Variants in NPEPPS observed in about 807,000 individuals in gnomAD.
NPEPPS encodes puromycin-sensitive aminopeptidase.
Under a neutral mutation model 115.5 loss-of-function variants are expected in NPEPPS, and 14 were observed. The ratio of observed to expected loss-of-function variants is 0.12; its 90% CI spans 0.08 to 0.19. The LOEUF is 0.19. Among genes scored for constraint, NPEPPS ranks in the 10% least tolerant of loss-of-function variants. The pLI is 1.00. For missense variants in NPEPPS, 523 were observed against 1,110.8 expected, an observed-to-expected ratio of 0.47 and a Z score of 7.52; for synonymous variants, 285 against 390.6, an observed-to-expected ratio of 0.73 and a Z score of 3.19.
At chr17:47,531,865 T>C (rs1298156474) in intron 1 of NPEPPS, among the ~76,000 whole-genome samples, 2 of 152,082 alleles carry the variant, frequency 1.3e-5, no homozygotes, top group Non-Finnish European at 2.9e-5. Flanking sequence ...TGTGTGGGGC[T>C]TTCCCCCCCG....
chr17:47,598,665 G>A (rs547020628), intron 13 of NPEPPS, among the ~76,000 whole-genome samples: 131 of 152,284 alleles, frequency 8.6e-4, no homozygotes, highest in African/African-American at 3.0e-3. Flanking sequence ...TTATTAAGCC[G>A]TAATTTTTTC....
intron 1 of NPEPPS, among the ~76,000 whole-genome samples, chr17:47,531,846 G>A (rs930010669): frequency 6.6e-6 from 1 of 152,092 alleles, no homozygotes; most frequent in African/African-American, 2.4e-5. Context: ...CCTCCCCGGC[G>A]AGCACACCTG....
chr17:47,621,670 G>A (rs551129536), intron 22 of NPEPPS, 98 bp from the exon 23 acceptor site: 8 of 1,131,570 alleles, frequency 7.1e-6, no homozygotes, highest in Middle Eastern at 2.2e-4. Flanking sequence ...TGAAGATTAT[G>A]CATCCTTCAT....
chr17:47,583,716 A>C (rs1912023049), intron 5 of NPEPPS, among the ~76,000 whole-genome samples: 1 of 152,080 alleles, frequency 6.6e-6, no homozygotes, highest in South Asian at 2.1e-4. Flanking sequence ...GGAGTTTGAC[A>C]CCAGTCTGGG....
intron 2 of NPEPPS, among the ~76,000 whole-genome samples, chr17:47,559,954 G>A (rs1910322859): frequency 6.6e-6 from 1 of 152,000 alleles, no homozygotes; most frequent in African/African-American, 2.4e-5. Context: ...TTGTCCCTGG[G>A]GCCTATAGCC....
Position 47,569,294 on chromosome 17 carries a change from C to CCAAA in NPEPPS, c.341-123_341-122insCAAA, listed in dbSNP as rs1911044333. Reference sequence around the variant, plus strand: ...GAAATGAAACTCTTGCTAATAGGAACTTAATTCACCAAATTAAGAATATTT... The same window carrying CCAAA: ...GAAATGAAACTCTTGCTAATAGGAACCAAATTAATTCACCAAATTAAGAATATTT... On this transcript the variant is annotated intron_variant, in intron 2 of 22. Coordinates refer to ENST00000322157, the MANE Select transcript of NPEPPS (RefSeq NM_006310.4). 4 of 637,032 alleles carry CCAAA rather than the reference C, an allele frequency of 6.3e-6. No individual in the cohort carries two copies. In the East Asian group the frequency reaches 8.4e-5, roughly 13 times the overall value. 39.5% of individuals were successfully genotyped at this position (637,032 alleles called of 1,614,324 possible).
Position 47,622,908 on chromosome 17 carries a change from G to C in NPEPPS, c.*988G>C, listed in dbSNP as rs779291559. ...TGGCTTCTCCCGGTTCATTTTATGC[G>C]TGCGAGAAGTCAGTGGTAACTGCTG... On this transcript the variant is annotated 3_prime_UTR_variant, in exon 23 of 23. Transcript: ENST00000322157. 8.8e-6 allele frequency: 4 copies of C among 455,812 alleles called. No homozygotes were observed. Among genetic ancestry groups the C allele is most frequent in the South Asian group, 4.6e-5 (3 of 64,560 alleles). The allele number at this position is 455,812 out of a possible 1,614,324, so 28.2% of individuals were successfully genotyped here.
chr17:47,524,981 C>T (rs1907377894), intron 1 of NPEPPS, among the ~76,000 whole-genome samples: 1 of 151,504 alleles, frequency 6.6e-6, no homozygotes, highest in African/African-American at 2.4e-5. Flanking sequence ...GTGTGGTAAA[C>T]AGAGAAGCCT....
intron 19 of NPEPPS, among the ~76,000 whole-genome samples, chr17:47,616,337 C>T (rs543735887): frequency 5.5e-4 from 84 of 152,052 alleles, no homozygotes; most frequent in African/African-American, 2.0e-3. Context: ...CACTTGAGGC[C>T]AGGAGTTCAA....
At chr17:47,603,182 G>GCC (rs1913322016) in intron 15 of NPEPPS, among the ~76,000 whole-genome samples, 1 of 152,080 alleles carries the variant, frequency 6.6e-6, no homozygotes, top group Admixed American at 6.6e-5. Context: ...AGGCTGAGGC[G>GCC]CGGCGGATCA....
intron 2 of NPEPPS, among the ~76,000 whole-genome samples, chr17:47,564,077 C>T (rs1486985198): frequency 3.4e-4 from 51 of 151,804 alleles, no homozygotes; most frequent in African/African-American, 9.9e-4. Context: ...GGATTACAGG[C>T]GCACGCCACC....
chr17:47,577,872 A>G (rs1597856108), intron 3 of NPEPPS, among the ~76,000 whole-genome samples: 1 of 152,090 alleles, frequency 6.6e-6, no homozygotes, highest in Non-Finnish European at 1.5e-5. Context: ...AGCAAATTCA[A>G]TTTTATAAGA....
At position 47,619,122 on chromosome 17, in the gene NPEPPS, T is replaced by C. The variant is rs1914382961; in HGVS notation, c.2517T>C (p.Tyr839=). ...KFIKDNWEEL[Y]NRYQGGFLIS... ...TAAAGGACAACTGGGAAGAACTTTA[T>C]AACCGATACCAGGGAGGATTCTTAA... Residue 839 remains tyrosine, a synonymous_variant, in exon 21 of 23, where the codon TAT becomes TAC. Coordinates refer to ENST00000322157, the MANE Select transcript of NPEPPS (RefSeq NM_006310.4). The C allele has an allele frequency of 1.2e-6, 2 of 1,613,840 alleles. No homozygotes were observed. Among genetic ancestry groups the C allele is most frequent in the Non-Finnish European group, 1.7e-6 (2 of 1,179,868 alleles).
intron 3 of NPEPPS, among the ~76,000 whole-genome samples, chr17:47,577,972 A>G (rs916983365): frequency 1.3e-5 from 2 of 152,160 alleles, no homozygotes; most frequent in African/African-American, 4.8e-5. Flanking sequence ...TAGGGAGGCC[A>G]AGGTGGGTGG....
intron 13 of NPEPPS, 37 bp from the exon 14 acceptor site, chr17:47,599,639 T>C: frequency 2.6e-6 from 4 of 1,524,882 alleles, no homozygotes; most frequent in Non-Finnish European, 3.6e-6. Flanking sequence ...CCCCAGATGG[T>C]GTCAGTACTA....
intron 12 of NPEPPS, among the ~76,000 whole-genome samples, chr17:47,594,325 C>G (rs964791182): frequency 1.3e-5 from 2 of 151,800 alleles, no homozygotes; most frequent in African/African-American, 4.8e-5. Flanking sequence ...AATAATTTTT[C>G]TTTCTTGAAT....
chr17:47,594,814 A>T (rs1912757626), intron 12 of NPEPPS, among the ~76,000 whole-genome samples: 1 of 151,472 alleles, frequency 6.6e-6, no homozygotes, highest in South Asian at 2.1e-4. Flanking sequence ...TTGTATTTTT[A>T]GTAGAGACAG....
intron 18 of NPEPPS, among the ~76,000 whole-genome samples, chr17:47,613,257 C>CTTTTTTTTTT (rs753383358): frequency 2.0e-5 from 2 of 98,232 alleles, no homozygotes; most frequent in Non-Finnish European, 4.1e-5. Context: ...ATAATATTTA[C>CTTTTTTTTTT]TTTTTTTTTT....
rs1312289283 is a variant in NPEPPS at position 47,594,629 on chromosome 17, A to ATGTTATGTTATGTTATGTTATGT, written c.1427-1708_1427-1707insGTTATGTTGTTATGTTATGTTAT. Among the ~76,000 whole-genome samples the ATGTTATGTTATGTTATGTTATGT allele has an allele frequency of 1.2e-3, 173 of 144,878 alleles. 1 individual carries two copies. The highest frequency in any genetic ancestry group is 4.5e-3 in the African/African-American group (173 of 38,594). On this transcript the variant is annotated intron_variant, in intron 12 of 22. Coordinates refer to ENST00000322157, the MANE Select transcript of NPEPPS (RefSeq NM_006310.4). ...ATGTTATGTTATGTTATGTTATGTT[A>ATGTTATGTTATGTTATGTTATGT]TGTTATGTTATGTTATTTTTTGAGA...
Sources: allele counts gnomAD v4.1 joint callset (sites outside exome capture counted in the v4.1 genomes callset), GRCh38; gene constraint gnomAD v4.1.1; transcripts MANE v1.5; gene names NCBI Gene and HGNC (gene_info 2026-07-23, HGNC 2026-07-21).